RBFOX2: variants seen among roughly 807,000 people sequenced by gnomAD.
The protein encoded by RBFOX2 is RNA binding protein fox-1 homolog 2.
In RBFOX2, 10 loss-of-function variants were observed where a neutral mutation model predicts 49.1. The ratio of observed to expected loss-of-function variants is 0.20; its 90% CI spans 0.13 to 0.35. The LOEUF (loss-of-function observed/expected upper bound fraction) is 0.35, where lower values mean the gene tolerates loss of function less well. Among genes scored for constraint, RBFOX2 ranks in the 10% least tolerant of loss-of-function variants. The pLI, the probability that RBFOX2 is intolerant of heterozygous loss-of-function variation, is 1.00. For missense variants in RBFOX2, 323 were observed against 486.9 expected (o/e 0.66, Z 3.17); for synonymous variants, 183 against 187.4 (o/e 0.98, Z 0.19).
chr22:36,010,058 C>T (rs1453062128), intron 1 of RBFOX2, among the ~76,000 whole-genome samples: 3 of 151,958 alleles, frequency 2.0e-5, no homozygotes, highest in Non-Finnish European at 2.9e-5. Flanking sequence ...AGATGCTGGC[C>T]AGACCTCTAA....
rs1294917166 is a variant in RBFOX2 at position 35,991,534 on chromosome 22, G to A, written c.186+36706C>T. ...GGCCTTTGGACAGGAGTCAGCATCA[G>A]CCAGGTTTAAGTGAGCTTTTAGGAG... is the stretch of plus-strand genomic sequence containing the variant. On this transcript the variant is annotated intron_variant, in intron 1 of 13. Transcript: ENST00000438146. 2.6e-5 allele frequency among the ~76,000 whole-genome samples: 4 copies of A among 152,200 alleles called. No homozygotes were observed. The East Asian group carries it at 5.8e-4, about 22-fold the overall frequency.
chr22:35,902,830 A>AC lies in RBFOX2; in HGVS notation c.-34+36016_-34+36017insG, dbSNP rs1556367139. 1.4e-3 allele frequency among the ~76,000 whole-genome samples: 211 copies of AC among 150,878 alleles called. 2 individuals are homozygous for AC. Among genetic ancestry groups the AC allele is most frequent in the African/African-American group, 4.1e-3 (168 of 40,922 alleles). ...CAGCTAATTAAAAAAAAAAAAAAAAAATTTAGAGAAGGGGCGGGTCTCACT... is the reference window on the plus strand; with the variant it reads ...CAGCTAATTAAAAAAAAAAAAAAAAACATTTAGAGAAGGGGCGGGTCTCACT... On this transcript the variant is annotated intron_variant, in intron 1 of 13. Coordinates refer to the RBFOX2 transcript ENST00000359369.
chr22:35,747,883 A>G (rs1280760629), intron 9 of RBFOX2: 1 of 152,172 alleles, frequency 6.6e-6, no homozygotes, highest in Non-Finnish European at 1.5e-5. Context: ...ATTTTTCTAA[A>G]TCTACAAAAG....
upstream of RBFOX2, among the ~76,000 whole-genome samples, chr22:35,841,588 C>A (rs540254298): frequency 6.6e-6 from 1 of 152,150 alleles, no homozygotes; most frequent in African/African-American, 2.4e-5. Context: ...TAATTTTTTA[C>A]AGCATTCTAA....
At chr22:35,892,867 G>A (rs879180958) in intron 1 of RBFOX2, among the ~76,000 whole-genome samples, 1 of 152,182 alleles carries the variant, frequency 6.6e-6, no homozygotes, top group Admixed American at 6.5e-5. Context: ...AAGTCACATG[G>A]CTTGGTACTG....
intron 1 of RBFOX2, among the ~76,000 whole-genome samples, chr22:35,873,200 C>T (rs763650465): frequency 9.9e-5 from 15 of 152,134 alleles, no homozygotes; most frequent in African/African-American, 1.2e-4. Flanking sequence ...GGCATGATCT[C>T]GGCTCACTGC....
At chr22:35,902,670 G>T (rs1470491643) in intron 1 of RBFOX2, among the ~76,000 whole-genome samples, 5 of 151,712 alleles carry the variant, frequency 3.3e-5, no homozygotes, top group Admixed American at 2.6e-4. Context: ...TTTGAGACAG[G>T]ATCTCACTCT....
chr22:35,834,123 T>A (rs1957245967), intron 1 of RBFOX2, among the ~76,000 whole-genome samples: 1 of 152,192 alleles, frequency 6.6e-6, no homozygotes, highest in Non-Finnish European at 1.5e-5. Context: ...ACAAGGGGCA[T>A]TAGAGTACAG....
At chr22:35,777,936 A>G in intron 4 of RBFOX2, 89 bp downstream of exon 5, 1 of 1,333,944 alleles carries the variant, frequency 7.5e-7, no homozygotes, top group Non-Finnish European at 1.0e-6. Context: ...AGGCTTGAAA[A>G]CAGCTTATGT....
chr22:35,976,170 G>A (rs1013006242), intron 1 of RBFOX2, among the ~76,000 whole-genome samples: 51 of 152,206 alleles, frequency 3.4e-4, no homozygotes, highest in African/African-American at 1.1e-3. Context: ...GGTTACTAAC[G>A]TTGTTTTCAG....
chr22:35,756,191 A>G, intron 9 of RBFOX2, 47 bp from the exon 11 acceptor site: 1 of 1,479,734 alleles, frequency 6.8e-7, no homozygotes, highest in Non-Finnish European at 9.0e-7. Flanking sequence ...ACAAAAGAAC[A>G]GAAACACATT....
At chr22:35,832,507 G>A (rs1956988249) in intron 1 of RBFOX2, among the ~76,000 whole-genome samples, 1 of 152,174 alleles carries the variant, frequency 6.6e-6, no homozygotes, top group African/African-American at 2.4e-5. Flanking sequence ...GGGATGGAGA[G>A]AGGTTGGTTA....
chr22:35,770,778 A>G (rs1202809544), intron 4 of RBFOX2, among the ~76,000 whole-genome samples: 1 of 152,192 alleles, frequency 6.6e-6, no homozygotes, highest in Non-Finnish European at 1.5e-5. Flanking sequence ...CAGTCAGCAA[A>G]TGTCAAAGTT....
intron 2 of RBFOX2, among the ~76,000 whole-genome samples, chr22:35,806,907 C>T (rs985877767): frequency 2.0e-5 from 3 of 152,206 alleles, no homozygotes; most frequent in African/African-American, 4.8e-5. Context: ...CCAGTTCAAG[C>T]GATTCTCCTA....
chr22:35,843,419 G>C (rs5995171), upstream of RBFOX2, among the ~76,000 whole-genome samples: 50 of 151,468 alleles, frequency 3.3e-4, 1 homozygote, highest in African/African-American at 1.2e-3. Flanking sequence ...AAGGAAAGAG[G>C]TACTTCTCCC....
At chr22:36,009,213 T>C (rs1467102473) in intron 1 of RBFOX2, among the ~76,000 whole-genome samples, 2 of 152,176 alleles carry the variant, frequency 1.3e-5, no homozygotes, top group East Asian at 1.9e-4. Flanking sequence ...ACAACCACCA[T>C]AACAACAGAT....
intron 1 of RBFOX2, among the ~76,000 whole-genome samples, chr22:35,880,168 G>C (rs1234337743): frequency 3.3e-5 from 5 of 151,980 alleles, no homozygotes; most frequent in African/African-American, 1.2e-4. Flanking sequence ...AAAAAAGGAA[G>C]AAGAGCTAGT....
intron 6 of RBFOX2, among the ~76,000 whole-genome samples, chr22:35,764,656 A>T (rs1270969003): frequency 6.6e-6 from 1 of 152,044 alleles, no homozygotes; most frequent in Non-Finnish European, 1.5e-5. Flanking sequence ...GCTTATGCAG[A>T]ACCCTAATTG....
intron 5 of RBFOX2, 51 bp from the exon 7 acceptor site, chr22:35,765,534 G>A (rs1253013245): frequency 8.5e-7 from 1 of 1,182,454 alleles, no homozygotes. Context: ...ACCACATTAG[G>A]GAACATAAAG....
Sources: allele counts gnomAD v4.1 joint callset (sites outside exome capture counted in the v4.1 genomes callset), GRCh38; gene constraint gnomAD v4.1.1; transcripts MANE v1.5; gene names NCBI Gene and HGNC (gene_info 2026-07-23, HGNC 2026-07-21).